The following FNDC3A variants were observed in gnomAD, a reference collection of about 807,000 sequenced individuals.
The protein encoded by FNDC3A is fibronectin type III domain containing 3A, also known as fibronectin type-III domain-containing protein 3A.
A neutral mutation model predicts 148.9 loss-of-function variants in FNDC3A; 32 were observed. That is an observed-to-expected ratio of 0.21 (90% CI 0.16 to 0.29). FNDC3A has a LOEUF of 0.29. Among genes scored for constraint, FNDC3A ranks in the 10% least tolerant of loss-of-function variants. The pLI is 1.00. For missense variants in FNDC3A, 1,191 were observed against 1,452.8 expected (o/e 0.82, Z 2.93); for synonymous variants, 472 against 473.6 (o/e 1.00, Z 0.04).
intron 5 of FNDC3A, among the ~76,000 whole-genome samples, chr13:49,132,363 C>T (rs948089633): frequency 1.3e-5 from 2 of 152,114 alleles, no homozygotes; most frequent in African/African-American, 4.8e-5. Flanking sequence ...AGAATAAAAT[C>T]CTAAACCCTT....
At chr13:48,994,239 T>C (rs950752098) in intron 1 of FNDC3A, among the ~76,000 whole-genome samples, 15 of 152,304 alleles carry the variant, frequency 9.8e-5, no homozygotes, top group African/African-American at 3.6e-4. Context: ...AAAACATTAT[T>C]AAAGGCTTGA....
intron 1 of FNDC3A, among the ~76,000 whole-genome samples, chr13:49,002,646 T>C (rs189682883): frequency 3.9e-5 from 6 of 152,310 alleles, no homozygotes; most frequent in East Asian, 1.9e-4. Context: ...TCCTGACTCT[T>C]AACACCATAA....
chr13:49,001,657 G>C (rs1593455678), intron 1 of FNDC3A, among the ~76,000 whole-genome samples: 1 of 152,268 alleles, frequency 6.6e-6, no homozygotes, highest in East Asian at 1.9e-4. Flanking sequence ...TACGGTCAAA[G>C]CTGTGGGATG....
intron 1 of FNDC3A, among the ~76,000 whole-genome samples, chr13:48,980,472 T>C (rs1480946685): frequency 6.6e-6 from 1 of 152,190 alleles, no homozygotes. Context: ...ATAATTGATA[T>C]TTACATTGAT....
At chr13:49,147,352 C>T (rs1043996234) in intron 8 of FNDC3A, among the ~76,000 whole-genome samples, 1 of 152,062 alleles carries the variant, frequency 6.6e-6, no homozygotes, top group African/African-American at 2.4e-5. Context: ...TGCAACTGCC[C>T]AGTTCATTAA....
Position 49,052,091 on chromosome 13 carries a change from C to T in FNDC3A, c.100-23198C>T, listed in dbSNP as rs558197251. Among the ~76,000 whole-genome samples the T allele has an allele frequency of 2.4e-3, 365 of 152,146 alleles. 3 individuals carry two copies. Among genetic ancestry groups the T allele is most frequent in the Non-Finnish European group, 4.0e-3 (275 of 67,988 alleles). On this transcript the variant is annotated intron_variant, in intron 2 of 25. Coordinates refer to ENST00000492622, the MANE Select transcript of FNDC3A (RefSeq NM_001079673.2). ...AGAATTTTTCTTTCATATCCTGTAT[C>T]ATGTTTTTGATGTCTTTAAGTTGGA...
intron 7 of FNDC3A, among the ~76,000 whole-genome samples, chr13:49,143,962 T>A (rs1371263468): frequency 6.7e-6 from 1 of 150,158 alleles, no homozygotes; most frequent in Non-Finnish European, 1.5e-5. Context: ...CTGGGCAACA[T>A]AGCAAGACCC....
chr13:49,145,657 G>C, intron 7 of FNDC3A, 121 bp from the exon 8 acceptor site: 1 of 757,868 alleles, frequency 1.3e-6, no homozygotes, highest in South Asian at 1.8e-5. Context: ...ATATTTGTGA[G>C]CCATTTTATC....
intron 11 of FNDC3A, among the ~76,000 whole-genome samples, chr13:49,172,323 T>C (rs928992505): frequency 6.6e-6 from 1 of 152,210 alleles, no homozygotes; most frequent in African/African-American, 2.4e-5. Context: ...GTAACTACCT[T>C]GATAAAGGAA....
At chr13:49,036,622 A>G (rs180705560) in intron 2 of FNDC3A, among the ~76,000 whole-genome samples, 31 of 152,318 alleles carry the variant, frequency 2.0e-4, no homozygotes, top group Admixed American at 2.0e-3. Flanking sequence ...CTGTAACTGT[A>G]AAAACAGATT....
At chr13:49,175,691 C>G (rs566291974) in intron 13 of FNDC3A, 150 bp downstream of exon 13, 2 of 563,012 alleles carry the variant, frequency 3.6e-6, no homozygotes, top group African/African-American at 3.9e-5. Flanking sequence ...TTTGAATACG[C>G]TTTATTTCTT....
intron 1 of FNDC3A, among the ~76,000 whole-genome samples, chr13:48,982,184 T>A (rs1951705465): frequency 6.6e-6 from 1 of 152,146 alleles, no homozygotes; most frequent in African/African-American, 2.4e-5. Context: ...AAAATCAGTT[T>A]TTCTTAAGAT....
At position 49,085,945 on chromosome 13, in the gene FNDC3A, C is replaced by T. The variant is rs147419822; in HGVS notation, c.175+10581C>T. On this transcript the variant is annotated intron_variant, in intron 3 of 25. Coordinates refer to ENST00000492622, the MANE Select transcript of FNDC3A (RefSeq NM_001079673.2). ...TTGCCCAGGCTGGAGTGCAATGGCC[C>T]GATCTCGGCTCACTGCAACCTCTGC... Among the ~76,000 whole-genome samples, 16 of 151,568 alleles carry T rather than the reference C, an allele frequency of 1.1e-4. No individual in the cohort carries two copies. The East Asian group carries it at 1.4e-3, about 13-fold the overall frequency.
chr13:49,087,943 G>C (rs1004632140), intron 3 of FNDC3A, among the ~76,000 whole-genome samples: 1 of 152,042 alleles, frequency 6.6e-6, no homozygotes, highest in Non-Finnish European at 1.5e-5. Context: ...GAAGAAAGGT[G>C]TTGCTATCTG....
At chr13:49,166,513 A>G (rs1384900296) in intron 8 of FNDC3A, among the ~76,000 whole-genome samples, 1 of 152,152 alleles carries the variant, frequency 6.6e-6, no homozygotes, top group Non-Finnish European at 1.5e-5. Flanking sequence ...TGGGAAGTAT[A>G]TAGGACCCAG....
intron 1 of FNDC3A, among the ~76,000 whole-genome samples, chr13:49,000,996 G>T (rs963614897): frequency 2.6e-5 from 4 of 151,408 alleles, no homozygotes; most frequent in African/African-American, 9.7e-5. Context: ...AATCTTTAGG[G>T]TTTTCTACCT....
chr13:48,986,767 T>C (rs192625385), intron 1 of FNDC3A, among the ~76,000 whole-genome samples: 12 of 152,278 alleles, frequency 7.9e-5, no homozygotes, highest in East Asian at 3.9e-4. Context: ...CAAGGCATAG[T>C]TGTAGATTTA....
chr13:49,118,205 C>T (rs780577269), intron 4 of FNDC3A, among the ~76,000 whole-genome samples: 1 of 152,132 alleles, frequency 6.6e-6, no homozygotes, highest in Non-Finnish European at 1.5e-5. Flanking sequence ...CCACAGAGGG[C>T]GAGCTGAAGC....
At chr13:48,995,840 A>G (rs1337974460) in intron 1 of FNDC3A, among the ~76,000 whole-genome samples, 2 of 152,182 alleles carry the variant, frequency 1.3e-5, no homozygotes, top group Non-Finnish European at 2.9e-5. Flanking sequence ...AAATGATAGG[A>G]TAGTTTTGCA....
Sources: gnomAD v4.1 joint callset for allele counts (sites outside exome capture counted in the v4.1 genomes callset) on GRCh38, gnomAD v4.1.1 for gene constraint, MANE v1.5 for transcripts, NCBI Gene and HGNC (gene_info 2026-07-23, HGNC 2026-07-21) for gene names.